The following RAD54B variants were observed in gnomAD, a reference collection of about 807,000 sequenced individuals.
RAD54B encodes DNA repair and recombination protein RAD54B.
In RAD54B, 78 loss-of-function variants were observed where a neutral mutation model predicts 95.8. The observed-to-expected ratio is 0.81, with a 90% confidence interval of 0.68 to 0.98. RAD54B has a LOEUF of 0.98. Ranked by LOEUF, RAD54B falls within the 50% of genes least tolerant of loss-of-function variation. The pLI is 0.00. For synonymous variants in RAD54B, 328 were observed against 354.9 expected, an observed-to-expected ratio of 0.92 and a Z score of 0.85; for missense variants, 957 against 1,056.6, an observed-to-expected ratio of 0.91 and a Z score of 1.31.
intron 2 of RAD54B, among the ~76,000 whole-genome samples, chr8:94,466,390 G>T (rs1045465831): frequency 1.8e-4 from 28 of 151,426 alleles, no homozygotes; most frequent in Non-Finnish European, 3.4e-4. Flanking sequence ...GACACATTAA[G>T]ACTGCTTCCA....
At chr8:94,446,714 G>A (rs1404806037) in intron 3 of RAD54B, among the ~76,000 whole-genome samples, 1 of 152,150 alleles carries the variant, frequency 6.6e-6, no homozygotes, top group African/African-American at 2.4e-5. Context: ...TGCTTAGGGT[G>A]CTACCTACAA....
chr8:94,393,748 A>T lies in RAD54B; in HGVS notation c.1513T>A (p.Ser505Thr), dbSNP rs771158536. The T allele has an allele frequency of 2.2e-5, 35 of 1,574,552 alleles. No individual in the cohort carries two copies. The highest frequency in any genetic ancestry group is 3.0e-5 in the Non-Finnish European group (35 of 1,148,110). ...TTTATTAGAGTAAATTATACCTCAGAAGCAGAAGGTTCTCTCGATAAAATG... is the reference window on the plus strand; with the variant it reads ...TTTATTAGAGTAAATTATACCTCAGTAGCAGAAGGTTCTCTCGATAAAATG... Reference protein sequence around the residue: ...PIILSREPSASEEEKELGERR... With the variant: ...PIILSREPSATEEEKELGERR... Residue 505 changes from serine to threonine, a missense_variant, in exon 9 of 15, where the codon TCT becomes ACT. Transcript: ENST00000336148.
chr8:94,453,646 A>G (rs1008351205), intron 3 of RAD54B, among the ~76,000 whole-genome samples: 2 of 152,082 alleles, frequency 1.3e-5, no homozygotes, highest in Non-Finnish European at 2.9e-5. Context: ...ACAATTATTT[A>G]GATGGAGAAA....
chr8:94,473,737 C>T (rs1196699071), intron 1 of RAD54B, among the ~76,000 whole-genome samples: 1 of 152,182 alleles, frequency 6.6e-6, no homozygotes, highest in Non-Finnish European at 1.5e-5. Context: ...TGTAAGTACA[C>T]CAACTCTACC....
At chr8:94,411,339 A>G in intron 3 of RAD54B, 24 bp from the exon 4 acceptor site, 1 of 1,528,502 alleles carries the variant, frequency 6.5e-7, no homozygotes, top group Non-Finnish European at 8.7e-7. Flanking sequence ...AAAAACACAC[A>G]TTATTAAAAA....
At chr8:94,373,038 C>G (rs546671113) in intron 14 of RAD54B, 1 of 151,986 alleles carries the variant, frequency 6.6e-6, no homozygotes, top group Non-Finnish European at 1.5e-5. Flanking sequence ...TGACTTGGTC[C>G]GGAAGGTAAG....
At chr8:94,399,280 G>T in intron 8 of RAD54B, 134 bp downstream of exon 8, 1 of 695,402 alleles carries the variant, frequency 1.4e-6, no homozygotes, top group Non-Finnish European at 2.4e-6. Context: ...CCTACCAAGA[G>T]TTAATTAACA....
At chr8:94,376,483 T>C (rs1810574501) in intron 14 of RAD54B, among the ~76,000 whole-genome samples, 1 of 151,180 alleles carries the variant, frequency 6.6e-6, no homozygotes, top group Non-Finnish European at 1.5e-5. Flanking sequence ...AAAAAGAACA[T>C]TAGAGTAAAT....
chr8:94,398,630 A>G lies in RAD54B; in HGVS notation c.1378+784T>C, dbSNP rs188878744. Among the ~76,000 whole-genome samples, 94 of 152,258 alleles carry G rather than the reference A, an allele frequency of 6.2e-4. 1 individual carries two copies. Among genetic ancestry groups the G allele is most frequent in the Non-Finnish European group, 2.9e-5 (2 of 67,978 alleles). ...AGATGGTAGGGAAAATGAAGCCCCAAGTAGAAAATAGGGGAATTGTAAATA... is the reference window on the plus strand; with the variant it reads ...AGATGGTAGGGAAAATGAAGCCCCAGGTAGAAAATAGGGGAATTGTAAATA... On this transcript the variant is annotated intron_variant, in intron 8 of 14. Transcript: ENST00000336148.
At chr8:94,381,697 T>C (rs10104637) in intron 11 of RAD54B, among the ~76,000 whole-genome samples, 4,466 of 152,046 alleles carry the variant, frequency 0.029, 85 homozygotes, top group Non-Finnish European at 0.044. Context: ...GTACGAGAGT[T>C]TGACAGGAAA....
chr8:94,421,283 T>C (rs7005247), intron 3 of RAD54B, among the ~76,000 whole-genome samples: 2,732 of 152,298 alleles, frequency 0.018, 69 homozygotes, highest in African/African-American at 0.061. Flanking sequence ...ACTATACTTT[T>C]GTAGATTCTC....
Position 94,411,197 on chromosome 8 carries a change from C to T in RAD54B, c.423G>A (p.Trp141Ter), listed in dbSNP as rs548333835. The T allele has an allele frequency of 2.9e-5, 46 of 1,610,960 alleles. No homozygotes were observed. Among genetic ancestry groups the T allele is most frequent in the Non-Finnish European group, 3.7e-5 (44 of 1,178,940 alleles). The change falls in exon 4 of 15, where the codon TGG (tryptophan) becomes TGA (stop). Residue 141 changes from tryptophan (W) to a stop codon, truncating the protein, a stop_gained. Transcript: ENST00000336148. LOFTEE classifies it high-confidence loss of function. ...CKPSKKKHKK[W>*]EGDAVLIVKG... ...TTACAATAAGAACAGCATCACCTTC[C>T]CACTTTTTATGTTTTTTCTTTGAAG...
chr8:94,435,181 G>T (rs1812222718), intron 3 of RAD54B, among the ~76,000 whole-genome samples: 1 of 151,956 alleles, frequency 6.6e-6, no homozygotes, highest in Non-Finnish European at 1.5e-5. Context: ...TAGTTTTCTG[G>T]ATATCTAGCT....
At chr8:94,431,900 ATTAAAC>A (rs1812105005) in intron 3 of RAD54B, 1 of 1,205,034 alleles carries the variant, frequency 8.3e-7, no homozygotes, top group Non-Finnish European at 1.0e-6. Flanking sequence ...AAGGTCAACA[ATTAAAC>A]TTAGGGAAAA....
intron 11 of RAD54B, among the ~76,000 whole-genome samples, chr8:94,382,645 C>G (rs1810773003): frequency 6.6e-6 from 1 of 152,178 alleles, no homozygotes; most frequent in South Asian, 2.1e-4. Context: ...CAAATCTCAT[C>G]TCGAATTACA....
intron 3 of RAD54B, among the ~76,000 whole-genome samples, chr8:94,420,484 T>A (rs919852454): frequency 1.3e-5 from 2 of 151,846 alleles, no homozygotes; most frequent in Non-Finnish European, 2.9e-5. Context: ...GGTGTCGAAC[T>A]CATGAGCTTA....
chr8:94,404,238 AT>A lies in RAD54B; in HGVS notation c.782del (p.Asn261IlefsTer26). ...CKPRHDPYTP[N>X]SLVMPRPDKN... is the part of the protein sequence containing the mutation. Reference sequence around the variant, plus strand: ...TATCTGGTCGTGGCATAACGAGGGAATCTTAAAAAATGATAAAAGTACAAGT... The same window carrying A: ...TATCTGGTCGTGGCATAACGAGGGAACTTAAAAAATGATAAAAGTACAAGT... On this transcript the variant is annotated frameshift_variant and splice_region_variant, in exon 6 of 15. Coordinates refer to ENST00000336148, the MANE Select transcript of RAD54B (RefSeq NM_012415.3). LOFTEE classifies it high-confidence loss of function. The A allele has an allele frequency of 6.3e-7, 1 of 1,580,600 alleles. No homozygotes were observed. The highest frequency in any genetic ancestry group is 8.6e-7 in the Non-Finnish European group (1 of 1,167,954).
At chr8:94,438,451 T>C (rs1021790466) in intron 3 of RAD54B, among the ~76,000 whole-genome samples, 4 of 152,120 alleles carry the variant, frequency 2.6e-5, no homozygotes, top group Non-Finnish European at 5.9e-5. Flanking sequence ...TCCATAGAGA[T>C]GCAAAAAGAA....
intron 3 of RAD54B, among the ~76,000 whole-genome samples, chr8:94,434,901 A>G (rs1388914625): frequency 6.6e-6 from 1 of 151,418 alleles, no homozygotes; most frequent in Non-Finnish European, 1.5e-5. Context: ...TTTGTGTGTG[A>G]ATATTGTAAA....
Sources: allele counts gnomAD v4.1 joint callset (sites outside exome capture counted in the v4.1 genomes callset), GRCh38; gene constraint gnomAD v4.1.1; transcripts MANE v1.5; gene names NCBI Gene and HGNC (gene_info 2026-07-23, HGNC 2026-07-21).